The following MYO19 variants were observed in gnomAD, a reference collection of about 807,000 sequenced individuals.
MYO19 encodes unconventional myosin-XIX.
MYO19 carries 132 observed loss-of-function variants against 129.2 expected under a neutral mutation model. The observed-to-expected ratio is 1.02, with a 90% confidence interval of 0.89 to 1.18. MYO19 has a LOEUF of 1.18. Ranked by LOEUF, MYO19 falls within the 50% of genes most tolerant of loss-of-function variation. The pLI is 0.00. For missense variants in MYO19, 1,210 were observed against 1,216.7 expected (o/e 0.99, Z 0.08); for synonymous variants, 531 against 477.2 (o/e 1.11, Z -1.47).
intron 20 of MYO19, 29 bp downstream of exon 20, chr17:36,503,921 T>A: frequency 6.4e-7 from 1 of 1,559,164 alleles, no homozygotes; most frequent in African/African-American, 1.4e-5. Flanking sequence ...GTACTGGCCC[T>A]GCACTGTGCC....
At position 36,499,103 on chromosome 17, in the gene MYO19, A is replaced by G. The variant is rs778042573; in HGVS notation, c.2435T>C (p.Val812Ala). The G allele has an allele frequency of 2.3e-5, 37 of 1,610,466 alleles. No individual in the cohort carries two copies. Among genetic ancestry groups the G allele is most frequent in the Admixed American group, 2.0e-4 (12 of 59,648 alleles). ...CCACTTCTGCCATGCACGCTTGATGACTGTGGCAGCTGCATGCAGCCTCTG... is the reference window on the plus strand; with the variant it reads ...CCACTTCTGCCATGCACGCTTGATGGCTGTGGCAGCTGCATGCAGCCTCTG... ...HIQRLHAAAT[V>A]IKRAWQKWRI... Residue 812 changes from valine to alanine, a missense_variant, in exon 24 of 26, where the codon GTC becomes GCC. By Grantham distance (64) the Val-to-Ala change is moderately conservative. Transcript: ENST00000614623.
Position 36,527,538 on chromosome 17 carries a change from G to A in MYO19, c.300+13C>T, listed in dbSNP as rs371160979. ...GAGGAGCCCTGAGGCCACAGGCAGC[G>A]GCAGAGCCTTACCTGGGGCTGAGGC... is the stretch of plus-strand genomic sequence containing the variant. On this transcript the variant is annotated intron_variant, in intron 5 of 25. Coordinates refer to ENST00000614623, the MANE Select transcript of MYO19 (RefSeq NM_001163735.2). 9.1e-5 allele frequency: 146 copies of A among 1,611,726 alleles called. No homozygotes were observed. The highest frequency in any genetic ancestry group is 1.2e-4 in the Non-Finnish European group (136 of 1,178,836).
At chr17:36,538,319 A>G (rs754857129), upstream of MYO19, 4 of 1,614,046 alleles carry the variant, frequency 2.5e-6, no homozygotes, top group Admixed American at 1.7e-5. Flanking sequence ...AAGGAGCTCT[A>G]GTACCATGTT....
chr17:36,499,118 T>G lies in MYO19; in HGVS notation c.2420A>C (p.His807Pro). ...WLTRKHIQRL[H>P]AAATVIKRAW... is the part of the protein sequence containing the mutation. ...ACGCTTGATGACTGTGGCAGCTGCA[T>G]GCAGCCTCTGGATGTGTTTCCGAGT... The change falls in exon 24 of 26, where the codon CAT becomes CCT. Residue 807 changes from histidine (H) to proline (P), a missense_variant. Coordinates refer to ENST00000614623, the MANE Select transcript of MYO19 (RefSeq NM_001163735.2). 1 of 1,610,692 alleles carries G rather than the reference T, an allele frequency of 6.2e-7. No individual in the cohort carries two copies. The highest frequency in any genetic ancestry group is 8.5e-7 in the Non-Finnish European group (1 of 1,178,378).
At chr17:36,514,932 G>C (rs1567761726) in intron 8 of MYO19, among the ~76,000 whole-genome samples, 181 bp downstream of exon 8, 1 of 152,212 alleles carries the variant, frequency 6.6e-6, no homozygotes, top group South Asian at 2.1e-4. Context: ...CCCAAGGGGA[G>C]AGGAGCTATA....
intron 6 of MYO19, among the ~76,000 whole-genome samples, chr17:36,516,832 T>G (rs2072784359): frequency 6.6e-6 from 1 of 152,268 alleles, no homozygotes; most frequent in Non-Finnish European, 1.5e-5. Flanking sequence ...ACTTTTTAGT[T>G]GCAGTAAGGT....
intron 6 of MYO19, among the ~76,000 whole-genome samples, chr17:36,523,182 C>CAA (rs34403651): frequency 2.9e-5 from 3 of 103,434 alleles, no homozygotes; most frequent in Non-Finnish European, 4.0e-5. Context: ...AACCCTGTCT[C>CAA]AAAAAAAAAA....
upstream of MYO19, chr17:36,538,492 TGATGGTA>T (rs1229315696): frequency 1.2e-6 from 2 of 1,613,836 alleles, no homozygotes; most frequent in African/African-American, 2.7e-5. Context: ...CTGATCAACC[TGATGGTA>T]GATACATTAC....
At chr17:36,508,466 G>A (rs2072080014) in intron 14 of MYO19, 1 of 155,706 alleles carries the variant, frequency 6.4e-6, no homozygotes, top group South Asian at 2.0e-4. Flanking sequence ...CCTGAGATAG[G>A]GTCTTGCTCT....
Position 36,510,785 on chromosome 17 carries a change from T to TCACACTCGGCTCGGGCGC in MYO19, c.1100_1117dup (p.Cys372_Asp373insGlyAlaArgAlaGluCys). 6.2e-7 allele frequency: 1 copy of TCACACTCGGCTCGGGCGC among 1,607,392 alleles called. No individual in the cohort carries two copies. Among genetic ancestry groups the TCACACTCGGCTCGGGCGC allele is most frequent in the East Asian group, 2.2e-5 (1 of 44,622 alleles). ...TTTGGCCAGGCAGTCTCTACGGGTGTCACACTCGGCTCGGGCGCAGGGCTT... is the reference window on the plus strand; with the variant it reads ...TTTGGCCAGGCAGTCTCTACGGGTGTCACACTCGGCTCGGGCGCCACACTCGGCTCGGGCGCAGGGCTT... On this transcript the variant is annotated inframe_insertion, in exon 13 of 26. Coordinates refer to ENST00000614623, the MANE Select transcript of MYO19 (RefSeq NM_001163735.2).
At chr17:36,519,708 T>C (rs2073023890) in intron 6 of MYO19, among the ~76,000 whole-genome samples, 1 of 121,598 alleles carries the variant, frequency 8.2e-6, no homozygotes, top group African/African-American at 3.1e-5. Flanking sequence ...CAAATATTTA[T>C]CTGGTTTTCA....
At chr17:36,542,611 A>G (rs34712843) in intron 1 of MYO19, among the ~76,000 whole-genome samples, 5,572 of 151,738 alleles carry the variant, frequency 0.037, 149 homozygotes, top group Non-Finnish European at 0.058. Context: ...AGGCAGGAGA[A>G]TGGCATGAAC....
At chr17:36,531,872 T>C (rs2073857001) in intron 3 of MYO19, among the ~76,000 whole-genome samples, 1 of 152,176 alleles carries the variant, frequency 6.6e-6, no homozygotes, top group Admixed American at 6.5e-5. Flanking sequence ...TGGCAACACT[T>C]GGTAAAATAA....
chr17:36,508,069 G>T, intron 14 of MYO19, 145 bp from the exon 15 acceptor site: 1 of 851,042 alleles, frequency 1.2e-6, no homozygotes, highest in Non-Finnish European at 1.7e-6. Context: ...GACACCTGTG[G>T]TGGGCAGAAC....
At chr17:36,518,531 T>TAG (rs2072929313) in intron 6 of MYO19, among the ~76,000 whole-genome samples, 3 of 71,148 alleles carry the variant, frequency 4.2e-5, no homozygotes, top group Non-Finnish European at 2.8e-5. Flanking sequence ...AAAAAAAATA[T>TAG]ATATATATAT....
chr17:36,507,349 A>G (rs774870351), intron 16 of MYO19, 50 bp downstream of exon 16: 7 of 1,565,488 alleles, frequency 4.5e-6, no homozygotes, highest in Non-Finnish European at 6.1e-6. Flanking sequence ...AAGGCCCCAG[A>G]AAACCCAAAG....
intron 6 of MYO19, among the ~76,000 whole-genome samples, chr17:36,521,714 T>C (rs972583052): frequency 6.6e-6 from 1 of 152,160 alleles, no homozygotes; most frequent in Non-Finnish European, 1.5e-5. Flanking sequence ...CATTATGGAC[T>C]GGCTCTCTCA....
chr17:36,507,762 T>C, intron 15 of MYO19, 41 bp downstream of exon 15: 1 of 1,549,696 alleles, frequency 6.5e-7, no homozygotes, highest in Middle Eastern at 1.9e-4. Context: ...GGATTGAGGA[T>C]CCAAAAGAAG....
intron 23 of MYO19, chr17:36,499,880 A>ATTTT (rs2071386363): frequency 7.0e-6 from 1 of 142,078 alleles, no homozygotes. Flanking sequence ...TTTTTTTGAG[A>ATTTT]CAGAGTCTTG....
Sources: allele counts gnomAD v4.1 joint callset (sites outside exome capture counted in the v4.1 genomes callset), GRCh38; gene constraint gnomAD v4.1.1; transcripts MANE v1.5; gene names NCBI Gene and HGNC (gene_info 2026-07-23, HGNC 2026-07-21).